Variants in BLTP3B observed in about 807,000 individuals in gnomAD.
The protein encoded by BLTP3B is UHRF1 (ICBP90) binding protein 1-like.
chr12:100,062,352 C>G, the BLTP3B span, among the ~76,000 whole-genome samples: 4,354 of 152,016 alleles, frequency 0.029, 220 homozygotes, highest in African/African-American at 0.099. Flanking sequence ...AATGGTAAAA[C>G]GAAAGTTAAG....
At chr12:100,084,170 C>CA in the BLTP3B span, among the ~76,000 whole-genome samples, 4 of 150,770 alleles carry the variant, frequency 2.7e-5, no homozygotes, top group Admixed American at 2.7e-4. Context: ...GCCTGGGAGA[C>CA]AGAGTGAGAC....
chr12:100,142,726 C>T, the BLTP3B span: 3 of 1,527,532 alleles, frequency 2.0e-6, no homozygotes, highest in African/African-American at 4.3e-5. Context: ...GCTAGCCCGG[C>T]CGGCGGAGAG....
At chr12:100,096,765 G>A in the BLTP3B span, among the ~76,000 whole-genome samples, 15 of 152,086 alleles carry the variant, frequency 9.9e-5, no homozygotes, top group African/African-American at 3.6e-4. Flanking sequence ...AGGCTGCAGT[G>A]AGCTAGGATT....
At chr12:100,076,273 AGAGAT>A in the BLTP3B span, among the ~76,000 whole-genome samples, 1 of 151,976 alleles carries the variant, frequency 6.6e-6, no homozygotes, top group Non-Finnish European at 1.5e-5. Flanking sequence ...TAGTATACCC[AGAGAT>A]GTTTTTTTTT....
the BLTP3B span, among the ~76,000 whole-genome samples, chr12:100,107,935 T>G: frequency 6.6e-6 from 1 of 151,846 alleles, no homozygotes; most frequent in Non-Finnish European, 1.5e-5. Context: ...ATAGATGCAG[T>G]CTCATTATGT....
chr12:100,135,938 C>A, the BLTP3B span, among the ~76,000 whole-genome samples: 1 of 152,106 alleles, frequency 6.6e-6, no homozygotes, highest in Admixed American at 6.5e-5. Context: ...GTCAGCCAGG[C>A]ACGGTGGCTC....
the BLTP3B span, chr12:100,059,758 GAATT>G: frequency 1.4e-5 from 18 of 1,310,524 alleles, no homozygotes; most frequent in African/African-American, 9.1e-5. Flanking sequence ...AACATAACAT[GAATT>G]AATAATCAAT....
chr12:100,119,969 A>G, the BLTP3B span, among the ~76,000 whole-genome samples: 1 of 152,264 alleles, frequency 6.6e-6, no homozygotes. Flanking sequence ...AGACACTGTA[A>G]CTACAGGGCA....
chr12:100,097,523 A>G, the BLTP3B span: 2 of 1,587,034 alleles, frequency 1.3e-6, no homozygotes, highest in Non-Finnish European at 1.7e-6. Flanking sequence ...GAACACAGAG[A>G]TTAACTTCAC....
the BLTP3B span, among the ~76,000 whole-genome samples, chr12:100,077,484 T>C: frequency 6.6e-6 from 1 of 152,264 alleles, no homozygotes; most frequent in Admixed American, 6.5e-5. Context: ...TTAAGCTAGA[T>C]AATTCTTCAT....
At chr12:100,142,746 G>A in the BLTP3B span, 1 of 1,477,970 alleles carries the variant, frequency 6.8e-7, no homozygotes. Context: ...GGCGCTGATC[G>A]CTCACGACCG....
At chr12:100,058,812 T>A in the BLTP3B span, 1 of 1,613,992 alleles carries the variant, frequency 6.2e-7, no homozygotes, top group African/African-American at 1.3e-5. Flanking sequence ...CAGATACTGG[T>A]AGTGATTAAT....
At chr12:100,126,489 C>A in the BLTP3B span, among the ~76,000 whole-genome samples, 1 of 151,866 alleles carries the variant, frequency 6.6e-6, no homozygotes, top group East Asian at 1.9e-4. Flanking sequence ...AAAGGAACCA[C>A]CACCACCCAC....
chr12:100,077,200 T>C, the BLTP3B span, among the ~76,000 whole-genome samples: 26 of 152,210 alleles, frequency 1.7e-4, no homozygotes, highest in African/African-American at 6.0e-4. Flanking sequence ...TACTGTATAT[T>C]TTCTATGTTT....
chr12:100,069,702 CAG>C, the BLTP3B span, among the ~76,000 whole-genome samples: 3 of 151,704 alleles, frequency 2.0e-5, no homozygotes, highest in African/African-American at 7.3e-5. Flanking sequence ...TTTGAGGACT[CAG>C]GGGGAAAGGG....
chr12:100,100,163 G>A, the BLTP3B span, among the ~76,000 whole-genome samples: 1 of 151,658 alleles, frequency 6.6e-6, no homozygotes, highest in Non-Finnish European at 1.5e-5. Context: ...AAGTTAACTG[G>A]GCATGGTGGC....
At chr12:100,060,069 A>C in the BLTP3B span, 2 of 1,529,324 alleles carry the variant, frequency 1.3e-6, no homozygotes, top group Non-Finnish European at 1.8e-6. Flanking sequence ...GTTTTTTAAA[A>C]ATTTTTAATT....
the BLTP3B span, chr12:100,104,086 ATAAAC>A: frequency 4.8e-4 from 256 of 535,416 alleles, 1 homozygote; most frequent in Non-Finnish European, 5.7e-4. Context: ...AAACTACAAA[ATAAAC>A]TAAGCAACTC....
chr12:100,094,250 T>C, the BLTP3B span, among the ~76,000 whole-genome samples: 1 of 152,116 alleles, frequency 6.6e-6, no homozygotes, highest in Non-Finnish European at 1.5e-5. Context: ...GGACTGCAGG[T>C]ATATGCCACC....
Sources: gnomAD v4.1 joint callset for allele counts (sites outside exome capture counted in the v4.1 genomes callset) on GRCh38, gnomAD v4.1.1 for gene constraint, MANE v1.5 for transcripts, NCBI Gene and HGNC (gene_info 2026-07-23, HGNC 2026-07-21) for gene names.